PPP6R3: variants seen among roughly 807,000 people sequenced by gnomAD.
PPP6R3 encodes the protein protein phosphatase 6 regulatory subunit 3.
A neutral mutation model predicts 110.7 loss-of-function variants in PPP6R3; 38 were observed. That is an observed-to-expected ratio of 0.34 (90% CI 0.26 to 0.45). The LOEUF (loss-of-function observed/expected upper bound fraction) is 0.45. PPP6R3 is among the 20% of genes least tolerant of loss of function. PPP6R3 has a pLI of 1.00. For missense variants in PPP6R3, 870 were observed against 1,062.4 expected (o/e 0.82, Z 2.52); for synonymous variants, 369 against 373.5 (o/e 0.99, Z 0.14).
chr11:68,532,940 G>A (rs1265678672), intron 2 of PPP6R3, among the ~76,000 whole-genome samples: 3 of 152,216 alleles, frequency 2.0e-5, no homozygotes, highest in Non-Finnish European at 4.4e-5. Flanking sequence ...GTCACCTGAC[G>A]AAGGATTTCT....
intron 14 of PPP6R3, among the ~76,000 whole-genome samples, chr11:68,582,010 A>G (rs922425816): frequency 2.6e-5 from 4 of 152,168 alleles, no homozygotes; most frequent in African/African-American, 4.8e-5. Context: ...GACATACCCT[A>G]TACAGACCTA....
chr11:68,587,791 C>A, intron 15 of PPP6R3, 136 bp from the exon 16 acceptor site: 1 of 817,014 alleles, frequency 1.2e-6, no homozygotes, highest in Non-Finnish European at 2.1e-6. Flanking sequence ...TTTGATTTTT[C>A]TTTTAGAAAA....
chr11:68,590,017 C>T (rs1191679306), intron 16 of PPP6R3, among the ~76,000 whole-genome samples: 1 of 152,220 alleles, frequency 6.6e-6, no homozygotes, highest in East Asian at 1.9e-4. Flanking sequence ...TCGACATTCA[C>T]GTGCCTGGAC....
intron 1 of PPP6R3, among the ~76,000 whole-genome samples, chr11:68,510,201 A>C (rs1248630541): frequency 6.6e-6 from 1 of 151,004 alleles, no homozygotes; most frequent in Non-Finnish European, 1.5e-5. Flanking sequence ...CCCCTACTAC[A>C]CCTGGCCTAT....
chr11:68,561,440 T>C (rs1202446597), intron 8 of PPP6R3, among the ~76,000 whole-genome samples: 2 of 152,122 alleles, frequency 1.3e-5, no homozygotes, highest in African/African-American at 4.8e-5. Flanking sequence ...TCAGTGGACA[T>C]AGAACCTGTG....
chr11:68,489,244 C>T (rs2098967959), intron 1 of PPP6R3, among the ~76,000 whole-genome samples: 1 of 152,002 alleles, frequency 6.6e-6, no homozygotes, highest in South Asian at 2.1e-4. Flanking sequence ...TGGTCTCGAT[C>T]TCCTGACCTC....
intron 22 of PPP6R3, among the ~76,000 whole-genome samples, chr11:68,606,369 T>C (rs147725448): frequency 6.8e-6 from 1 of 147,082 alleles, no homozygotes; most frequent in African/African-American, 2.5e-5. Context: ...GGATCTCGGC[T>C]CACTGCAATC....
At chr11:68,474,902 CTTTT>C (rs200860000) in intron 1 of PPP6R3, among the ~76,000 whole-genome samples, 1 of 151,676 alleles carries the variant, frequency 6.6e-6, no homozygotes, top group Admixed American at 6.6e-5. Flanking sequence ...ATTTAACTTC[CTTTT>C]TTTTATTTTT....
chr11:68,565,332 G>T (rs1193329858), intron 9 of PPP6R3, among the ~76,000 whole-genome samples: 2 of 151,842 alleles, frequency 1.3e-5, no homozygotes, highest in Non-Finnish European at 2.9e-5. Context: ...TTCCATCACT[G>T]TGCTCACAGT....
At chr11:68,481,813 C>G (rs974479713) in intron 1 of PPP6R3, among the ~76,000 whole-genome samples, 1 of 152,158 alleles carries the variant, frequency 6.6e-6, no homozygotes, top group Admixed American at 6.6e-5. Flanking sequence ...CTTGCTGAGT[C>G]CCTGCTATTA....
chr11:68,473,096 A>T (rs2098803937), intron 1 of PPP6R3, among the ~76,000 whole-genome samples: 1 of 152,198 alleles, frequency 6.6e-6, no homozygotes. Context: ...CAAAATGATA[A>T]GTGTCTTTTT....
chr11:68,474,043 CT>C (rs34322224), intron 1 of PPP6R3, among the ~76,000 whole-genome samples: 39,473 of 135,978 alleles, frequency 0.29, 4,973 homozygotes, highest in Middle Eastern at 0.46. Context: ...AAGCAATTAC[CT>C]TTTTTTTTTT....
chr11:68,557,372 G>C (rs767864202), intron 7 of PPP6R3, among the ~76,000 whole-genome samples: 3 of 152,134 alleles, frequency 2.0e-5, no homozygotes, highest in Non-Finnish European at 4.4e-5. Context: ...GCCCTACGTT[G>C]GCAAGAGGTG....
intron 18 of PPP6R3, among the ~76,000 whole-genome samples, chr11:68,594,843 A>G (rs2099608594): frequency 6.6e-6 from 1 of 152,222 alleles, no homozygotes; most frequent in Non-Finnish European, 1.5e-5. Context: ...AATAGTTAAA[A>G]CAGTATGATA....
intron 18 of PPP6R3, among the ~76,000 whole-genome samples, chr11:68,593,277 T>C (rs2099601216): frequency 6.6e-6 from 1 of 152,252 alleles, no homozygotes; most frequent in African/African-American, 2.4e-5. Context: ...CAATACATTA[T>C]ACTTTTTTTG....
At chr11:68,489,180 G>A (rs185668094) in intron 1 of PPP6R3, among the ~76,000 whole-genome samples, 164 of 151,812 alleles carry the variant, frequency 1.1e-3, no homozygotes, top group Non-Finnish European at 1.8e-3. Flanking sequence ...CACCACGCCC[G>A]GCTAATTTTT....
intron 18 of PPP6R3, 147 bp from the exon 19 acceptor site, chr11:68,595,950 G>A (rs538725471): frequency 2.1e-6 from 2 of 960,114 alleles, no homozygotes; most frequent in African/African-American, 1.6e-5. Context: ...GAGTCTTCCC[G>A]GGCATCCTGA....
chr11:68,583,384 T>A (rs778751681), intron 15 of PPP6R3, among the ~76,000 whole-genome samples: 4 of 152,232 alleles, frequency 2.6e-5, no homozygotes, highest in Admixed American at 1.3e-4. Flanking sequence ...TTGAATGAAC[T>A]GAATAGTTAA....
At chr11:68,556,870 A>G (rs898760047) in intron 7 of PPP6R3, among the ~76,000 whole-genome samples, 3 of 152,178 alleles carry the variant, frequency 2.0e-5, no homozygotes, top group South Asian at 4.1e-4. Flanking sequence ...TTGACTGTCA[A>G]GTTTTCGCTG....
Sources: gnomAD v4.1 joint callset for allele counts (sites outside exome capture counted in the v4.1 genomes callset) on GRCh38, gnomAD v4.1.1 for gene constraint, MANE v1.5 for transcripts, NCBI Gene and HGNC (gene_info 2026-07-23, HGNC 2026-07-21) for gene names.